EML6: variants seen among roughly 807,000 people sequenced by gnomAD.
EML6 encodes the protein EMAP like 6.
A neutral mutation model predicts 240.1 loss-of-function variants in EML6; 154 were observed. That is an observed-to-expected ratio of 0.64 (90% CI 0.56 to 0.73). EML6 has a LOEUF of 0.73. Among genes scored for constraint, EML6 ranks in the 30% least tolerant of loss-of-function variants. The pLI is 0.00. For missense variants in EML6, 2,964 were observed against 2,474.6 expected (o/e 1.20, Z -4.20); for synonymous variants, 1,148 against 899.0 (o/e 1.28, Z -4.95).
At chr2:54,737,662 C>G (rs576303140) in intron 2 of EML6, among the ~76,000 whole-genome samples, 1 of 152,298 alleles carries the variant, frequency 6.6e-6, no homozygotes, top group African/African-American at 2.4e-5. Context: ...CCATCCTTGC[C>G]TTTCCCTTCT....
At chr2:54,895,751 T>A (rs1265112733) in intron 21 of EML6, among the ~76,000 whole-genome samples, 2 of 152,238 alleles carry the variant, frequency 1.3e-5, no homozygotes. Flanking sequence ...AGAATTAAGT[T>A]GCTTGTAAGT....
At chr2:54,833,735 T>C (rs1020445855) in intron 7 of EML6, among the ~76,000 whole-genome samples, 11 of 152,206 alleles carry the variant, frequency 7.2e-5, no homozygotes, top group Non-Finnish European at 1.3e-4. Context: ...TTGTGAGTTA[T>C]TGCATTTTTG....
intron 31 of EML6, 34 bp downstream of exon 31, chr2:54,952,726 G>T (rs1374338372): frequency 7.0e-7 from 1 of 1,425,130 alleles, no homozygotes; most frequent in Admixed American, 2.0e-5. Context: ...GGCTCTCCCA[G>T]CTTGCAGGGA....
chr2:54,859,489 C>T, intron 11 of EML6, 45 bp from the exon 12 acceptor site: 1 of 1,479,528 alleles, frequency 6.8e-7, no homozygotes, highest in Non-Finnish European at 9.2e-7. Context: ...AACTAATGAA[C>T]TCTTCTTTTT....
intron 36 of EML6, 107 bp from the exon 37 acceptor site, chr2:54,963,879 C>A: frequency 2.1e-6 from 2 of 940,258 alleles, no homozygotes; most frequent in Non-Finnish European, 3.1e-6. Flanking sequence ...TGGTGGCCTG[C>A]AGTGGCTGCG....
chr2:54,732,911 C>G lies in EML6; in HGVS notation c.197+7653C>G, dbSNP rs189726624. ...TTTTTAAAAATGATTTTATAAGCAT[C>G]AGCCTTGCTGCTGGACACAGGTCTG... On this transcript the variant is annotated intron_variant, in intron 2 of 41. Coordinates refer to ENST00000356458, the MANE Select transcript of EML6 (RefSeq NM_001039753.4). Among the ~76,000 whole-genome samples the G allele has an allele frequency of 2.0e-5, 3 of 152,356 alleles. No homozygotes were observed. In the East Asian group the frequency reaches 5.8e-4, roughly 29 times the overall value.
At chr2:54,843,834 G>C (rs1669595566) in intron 7 of EML6, among the ~76,000 whole-genome samples, 1 of 97,506 alleles carries the variant, frequency 1.0e-5, no homozygotes, top group South Asian at 4.0e-4. Flanking sequence ...GACAGAGCAA[G>C]ACTCCATCTC....
intron 2 of EML6, among the ~76,000 whole-genome samples, chr2:54,782,600 C>T (rs895507853): frequency 1.3e-5 from 2 of 151,186 alleles, no homozygotes; most frequent in African/African-American, 4.9e-5. Flanking sequence ...TTTTTTGTAA[C>T]GAGTATCATG....
At chr2:54,908,824 C>T (rs1365910556) in intron 24 of EML6, among the ~76,000 whole-genome samples, 1 of 152,130 alleles carries the variant, frequency 6.6e-6, no homozygotes, top group Non-Finnish European at 1.5e-5. Context: ...ACTTTGATTA[C>T]CCAGCCCAGT....
intron 17 of EML6, chr2:54,882,289 T>TTTA (rs139746296): frequency 6.9e-6 from 1 of 145,504 alleles, no homozygotes; most frequent in Non-Finnish European, 1.5e-5. Flanking sequence ...TTTTTTTTTT[T>TTTA]CCCTAAAGAT....
At chr2:54,754,117 A>G (rs1684297790) in intron 2 of EML6, among the ~76,000 whole-genome samples, 1 of 151,666 alleles carries the variant, frequency 6.6e-6, no homozygotes, top group Non-Finnish European at 1.5e-5. Context: ...TCTGGGAGAC[A>G]GAGCGAGACT....
chr2:54,763,899 T>G (rs1327692152), intron 2 of EML6, among the ~76,000 whole-genome samples: 2 of 152,108 alleles, frequency 1.3e-5, no homozygotes, highest in Non-Finnish European at 2.9e-5. Context: ...GGAAGTGAGG[T>G]TCAAGATCTC....
Position 54,863,889 on chromosome 2 carries a change from G to T in EML6, c.1932G>T (p.Gln644His). ...AAGCTCAAATCAATTATGATCGCCA[G>T]GTCGGTAAGCAGGGAGCAATGAAAA... ...EQEAQINYDR[Q>H]VYKEDLPQLK... is the part of the protein sequence containing the mutation. The change falls in exon 13 of 42, where the codon CAG (glutamine) becomes CAT (histidine). Residue 644 changes from glutamine (Q) to histidine (H), a missense_variant and splice_region_variant. Physicochemically the swap from Gln to His is conservative, Grantham distance 24. Transcript: ENST00000356458. 1 of 1,524,352 alleles carries T rather than the reference G, an allele frequency of 6.6e-7. No homozygotes were observed. Among genetic ancestry groups the T allele is most frequent in the Non-Finnish European group, 8.9e-7 (1 of 1,126,478 alleles). 94.4% of individuals were successfully genotyped at this position (1,524,352 alleles called of 1,614,324 possible).
intron 5 of EML6, among the ~76,000 whole-genome samples, chr2:54,825,751 C>G (rs1186304490): frequency 2.0e-5 from 3 of 152,162 alleles, no homozygotes; most frequent in African/African-American, 7.2e-5. Flanking sequence ...ATAGGACAGC[C>G]CCCCACCCCC....
At position 54,955,168 on chromosome 2, in the gene EML6, A is replaced by T. The variant is rs1427549225; in HGVS notation, c.4486+1012A>T. On this transcript the variant is annotated intron_variant, in intron 32 of 41. Transcript: ENST00000356458. ...TTCTCATTCTCTGGTTCACCAGTATATCTCACCCAGATGGCTGCACAGTCA... is the reference window on the plus strand; with the variant it reads ...TTCTCATTCTCTGGTTCACCAGTATTTCTCACCCAGATGGCTGCACAGTCA... Among the ~76,000 whole-genome samples, 4 of 152,234 alleles carry T rather than the reference A, an allele frequency of 2.6e-5. No homozygotes were observed. The South Asian group carries it at 6.2e-4, about 24-fold the overall frequency.
At chr2:54,727,230 G>A (rs1258097930) in intron 2 of EML6, among the ~76,000 whole-genome samples, 2 of 137,436 alleles carry the variant, frequency 1.5e-5, no homozygotes, top group African/African-American at 2.9e-5. Flanking sequence ...CTACTTTAGT[G>A]ACATAGTAGT....
chr2:54,884,648 G>T (rs1044995987), intron 17 of EML6, among the ~76,000 whole-genome samples: 2 of 152,196 alleles, frequency 1.3e-5, no homozygotes, highest in African/African-American at 4.8e-5. Flanking sequence ...GAGAATTGAA[G>T]ACCACATATG....
chr2:54,922,815 A>G (rs1558689148), intron 26 of EML6, among the ~76,000 whole-genome samples: 1 of 152,168 alleles, frequency 6.6e-6, no homozygotes, highest in Non-Finnish European at 1.5e-5. Context: ...ATACTTTGTG[A>G]TCTCACATAT....
At chr2:54,968,063 G>A in intron 39 of EML6, 65 bp from the exon 40 acceptor site, 1 of 1,471,388 alleles carries the variant, frequency 6.8e-7, no homozygotes, top group East Asian at 2.5e-5. Flanking sequence ...GGGAGGTGAT[G>A]ACTGACTGCA....
Sources: gnomAD v4.1 joint callset for allele counts (sites outside exome capture counted in the v4.1 genomes callset) on GRCh38, gnomAD v4.1.1 for gene constraint, MANE v1.5 for transcripts, NCBI Gene and HGNC (gene_info 2026-07-23, HGNC 2026-07-21) for gene names.